The following STPG2 variants were observed in gnomAD, a reference collection of about 807,000 sequenced individuals.
The protein encoded by STPG2 is sperm tail PG-rich repeat containing 2, also known as sperm-tail PG-rich repeat-containing protein 2.
Under a neutral mutation model 54.2 loss-of-function variants are expected in STPG2, and 56 were observed. That is an observed-to-expected ratio of 1.03 (90% CI 0.83 to 1.29). STPG2 has a LOEUF of 1.29. Ranked by LOEUF, STPG2 falls within the 50% of genes most tolerant of loss-of-function variation. The probability of loss-of-function intolerance (pLI) is 0.00; values close to 1 mark genes in which losing one functional copy is unlikely to be tolerated. For missense variants in STPG2, 596 were observed against 544.9 expected (o/e 1.09, Z -0.93); for synonymous variants, 200 against 181.8 (o/e 1.10, Z -0.81).
At chr4:97,631,386 G>GT (rs1198174727) in intron 10 of STPG2, among the ~76,000 whole-genome samples, 1 of 151,896 alleles carries the variant, frequency 6.6e-6, no homozygotes, top group African/African-American at 2.4e-5. Context: ...ACAAGACTTC[G>GT]TAACAATTCT....
chr4:98,101,851 T>A (rs1462382435), intron 5 of STPG2, among the ~76,000 whole-genome samples: 1 of 150,452 alleles, frequency 6.6e-6, no homozygotes, highest in Non-Finnish European at 1.5e-5. Context: ...AATCCCCTTA[T>A]GATTTCATTA....
intron 9 of STPG2, among the ~76,000 whole-genome samples, chr4:97,784,317 T>C (rs1395142047): frequency 6.6e-6 from 1 of 152,134 alleles, no homozygotes; most frequent in Non-Finnish European, 1.5e-5. Flanking sequence ...AAAATTCTAC[T>C]TTTTACTAAA....
chr4:97,850,490 G>A (rs982443532), intron 8 of STPG2, among the ~76,000 whole-genome samples: 1 of 151,274 alleles, frequency 6.6e-6, no homozygotes, highest in Non-Finnish European at 1.5e-5. Context: ...ATGTTATACA[G>A]AATTTAGCTA....
chr4:98,129,360 A>G (rs1485052504), intron 2 of STPG2, among the ~76,000 whole-genome samples: 1 of 152,004 alleles, frequency 6.6e-6, no homozygotes, highest in East Asian at 1.9e-4. Context: ...TTGTTTCCAC[A>G]TTTCCTGAGT....
At chr4:97,626,039 C>T (rs1734129675) in intron 10 of STPG2, among the ~76,000 whole-genome samples, 2 of 152,142 alleles carry the variant, frequency 1.3e-5, no homozygotes, top group African/African-American at 2.4e-5. Flanking sequence ...TTTACTTACA[C>T]GGTCTGAAGT....
intron 7 of STPG2, among the ~76,000 whole-genome samples, chr4:97,962,431 A>G (rs1733925036): frequency 1.3e-5 from 2 of 152,346 alleles, no homozygotes; most frequent in South Asian, 4.1e-4. Context: ...TATACACACA[A>G]ACATGTTGAT....
chr4:97,744,358 A>C (rs975307921), intron 9 of STPG2, among the ~76,000 whole-genome samples: 4 of 151,226 alleles, frequency 2.6e-5, no homozygotes, highest in Non-Finnish European at 4.4e-5. Flanking sequence ...ATGGCTTTTT[A>C]ATTGTTGGGA....
intron 9 of STPG2, among the ~76,000 whole-genome samples, chr4:97,735,317 A>G (rs928292697): frequency 2.0e-5 from 3 of 151,476 alleles, no homozygotes; most frequent in Non-Finnish European, 2.9e-5. Flanking sequence ...ACCAAAAACC[A>G]TATGTTCTCA....
At chr4:97,800,144 G>A (rs543147863) in intron 9 of STPG2, among the ~76,000 whole-genome samples, 1 of 152,230 alleles carries the variant, frequency 6.6e-6, no homozygotes, top group East Asian at 1.9e-4. Flanking sequence ...CCTTTAGCTC[G>A]GAGTACTTTG....
At chr4:98,056,473 C>G (rs6854994) in intron 5 of STPG2, among the ~76,000 whole-genome samples, 59,960 of 152,040 alleles carry the variant, frequency 0.39, 12,057 homozygotes, top group Middle Eastern at 0.46. Flanking sequence ...TAAGCCTCAA[C>G]AAGCCAGAGA....
intron 10 of STPG2, among the ~76,000 whole-genome samples, chr4:97,560,387 G>A (rs1215667637): frequency 1.3e-5 from 2 of 152,142 alleles, no homozygotes; most frequent in African/African-American, 4.8e-5. Context: ...TACTAGAAGT[G>A]TCTAGACAAG....
At chr4:97,679,841 A>G (rs1030517965) in intron 10 of STPG2, among the ~76,000 whole-genome samples, 2 of 152,138 alleles carry the variant, frequency 1.3e-5, no homozygotes, top group Non-Finnish European at 2.9e-5. Flanking sequence ...AGCTTTCTAC[A>G]TATGGCTAGC....
In STPG2 at chr4:98,011,273, C is replaced by T. The variant is rs141494662; in HGVS notation, c.613-29955G>A. On this transcript the variant is annotated intron_variant, in intron 5 of 10. Transcript: ENST00000295268. ...ATGGCTACCAGCTTCATCCAAGACC[C>T]GGCAAAGGTCATGTTCTCATTCCTT... Among the ~76,000 whole-genome samples, 382 of 152,226 alleles carry T rather than the reference C, an allele frequency of 2.5e-3. 1 individual carries two copies. Among genetic ancestry groups the T allele is most frequent in the African/African-American group, 4.3e-3 (179 of 41,534 alleles).
In STPG2 at chr4:97,977,378, A is replaced by T. The variant is rs114795094; in HGVS notation, c.772+3781T>A. Among the ~76,000 whole-genome samples the T allele has an allele frequency of 5.1e-3, 774 of 152,328 alleles. 8 individuals are homozygous for T. Among genetic ancestry groups the T allele is most frequent in the African/African-American group, 0.017 (727 of 41,570 alleles). ...TTCTTTATTTTCTGACTATAAGAGC[A>T]AGACCTTTTCACCTTTGGAGCACTG... On this transcript the variant is annotated intron_variant, in intron 6 of 10. Coordinates refer to ENST00000295268, the MANE Select transcript of STPG2 (RefSeq NM_174952.3).
chr4:97,686,727 A>T (rs1723200246), intron 10 of STPG2, among the ~76,000 whole-genome samples: 1 of 152,098 alleles, frequency 6.6e-6, no homozygotes, highest in South Asian at 2.1e-4. Context: ...CATAATTTAA[A>T]ATCATTTTTT....
Position 97,635,816 on chromosome 4 carries a change from T to A in STPG2, c.1321-76699A>T, listed in dbSNP as rs1028801146. ...CTATCCTAAATATATATGCACCCAA[T>A]ACAGGAGCACCCAGATTCATACGGC... is the stretch of plus-strand genomic sequence containing the variant. On this transcript the variant is annotated intron_variant, in intron 10 of 10. Coordinates refer to ENST00000295268, the MANE Select transcript of STPG2 (RefSeq NM_174952.3). Among the ~76,000 whole-genome samples the A allele has an allele frequency of 1.2e-4, 18 of 151,794 alleles. 1 individual carries two copies. Among genetic ancestry groups the A allele is most frequent in the Admixed American group, 3.3e-4 (5 of 15,258 alleles).
intron 10 of STPG2, among the ~76,000 whole-genome samples, chr4:97,704,680 T>G (rs2149000674): frequency 6.6e-6 from 1 of 152,300 alleles, no homozygotes; most frequent in East Asian, 1.9e-4. Context: ...AAAACCAATT[T>G]CTAAAACCAA....
At chr4:97,998,571 T>C (rs1490755438) in intron 5 of STPG2, among the ~76,000 whole-genome samples, 5 of 152,152 alleles carry the variant, frequency 3.3e-5, no homozygotes, top group Non-Finnish European at 7.3e-5. Context: ...GCATGAGCCA[T>C]TTTGCTAAAG....
chr4:98,040,583 C>CTA (rs1736921724), intron 5 of STPG2, among the ~76,000 whole-genome samples: 1 of 151,760 alleles, frequency 6.6e-6, no homozygotes, highest in Non-Finnish European at 1.5e-5. Context: ...GACCTTTTCC[C>CTA]TATATATGTT....
Sources: allele counts gnomAD v4.1 joint callset (sites outside exome capture counted in the v4.1 genomes callset), GRCh38; gene constraint gnomAD v4.1.1; transcripts MANE v1.5; gene names NCBI Gene and HGNC (gene_info 2026-07-23, HGNC 2026-07-21).